PPP2R3C: variants seen among roughly 807,000 people sequenced by gnomAD.
PPP2R3C encodes the protein serine/threonine-protein phosphatase 2A regulatory subunit B'' subunit gamma.
In PPP2R3C, 47 loss-of-function variants were observed where a neutral mutation model predicts 63.7. The observed-to-expected ratio is 0.74, with a 90% CI of 0.58 to 0.94. The LOEUF (loss-of-function observed/expected upper bound fraction) is 0.94, where lower values mean the gene tolerates loss of function less well. Ranked by LOEUF, PPP2R3C falls within the 40% of genes least tolerant of loss-of-function variation. PPP2R3C has a pLI of 0.00. For missense variants in PPP2R3C, 421 were observed against 518.4 expected (o/e 0.81, Z 1.82); for synonymous variants, 180 against 177.4 (o/e 1.01, Z -0.12).
chr14:35,115,470 T>C (rs2046683013), intron 2 of PPP2R3C, among the ~76,000 whole-genome samples: 2 of 151,810 alleles, frequency 1.3e-5, no homozygotes, highest in South Asian at 4.2e-4. Flanking sequence ...CCAACATTTT[T>C]TTTTTGAGAC....
At chr14:35,099,046 C>T in intron 7 of PPP2R3C, 1 of 576,608 alleles carries the variant, frequency 1.7e-6, no homozygotes, top group Middle Eastern at 5.4e-4. Context: ...ATGGTCAGTG[C>T]AAGTAAATCA....
intron 2 of PPP2R3C, among the ~76,000 whole-genome samples, chr14:35,116,264 G>T (rs1295710091): frequency 1.3e-5 from 2 of 151,140 alleles, no homozygotes; most frequent in Non-Finnish European, 2.9e-5. Flanking sequence ...TTTTCTGGGG[G>T]TGGGGAGGAC....
chr14:35,116,541 C>A, intron 2 of PPP2R3C, 69 bp downstream of exon 2: 1 of 1,319,226 alleles, frequency 7.6e-7, no homozygotes, highest in Non-Finnish European at 1.0e-6. Flanking sequence ...AGGTATGAGC[C>A]ACCCTGCCTT....
At chr14:35,098,440 G>A (rs767190194) in intron 7 of PPP2R3C, among the ~76,000 whole-genome samples, 8 of 140,494 alleles carry the variant, frequency 5.7e-5, no homozygotes, top group African/African-American at 2.1e-4. Context: ...TCTGCCTCCC[G>A]GGTTCAAGCA....
At chr14:35,106,663 A>ATTTT (rs35661935) in intron 6 of PPP2R3C, among the ~76,000 whole-genome samples, 12 of 100,402 alleles carry the variant, frequency 1.2e-4, no homozygotes, top group East Asian at 1.2e-3. Context: ...CAGCCAATAC[A>ATTTT]TTTTTTTTTT....
intron 4 of PPP2R3C, 71 bp downstream of exon 4, chr14:35,109,748 G>T: frequency 8.0e-7 from 1 of 1,253,264 alleles, no homozygotes; most frequent in Non-Finnish European, 1.1e-6. Flanking sequence ...GAGCCACTGT[G>T]CCCAGCCAAT....
chr14:35,096,962 C>T (rs1307171682), intron 7 of PPP2R3C, among the ~76,000 whole-genome samples, 198 bp from the exon 8 acceptor site: 1 of 152,140 alleles, frequency 6.6e-6, no homozygotes, highest in African/African-American at 2.4e-5. Context: ...CCGCGTAATT[C>T]CAGCACTTTG....
intron 6 of PPP2R3C, among the ~76,000 whole-genome samples, chr14:35,105,035 CTCTTA>C (rs1250518031): frequency 6.9e-6 from 1 of 144,804 alleles, no homozygotes; most frequent in African/African-American, 2.5e-5. Context: ...TGTCTGGCTT[CTCTTA>C]TATTTTCTTA....
chr14:35,094,904 A>C, intron 10 of PPP2R3C, 144 bp downstream of exon 10: 1 of 800,230 alleles, frequency 1.2e-6, no homozygotes, highest in Non-Finnish European at 1.9e-6. Context: ...CATTGAGCGG[A>C]GATCACACCA....
At chr14:35,096,463 T>C (rs1437196023) in intron 9 of PPP2R3C, 95 bp downstream of exon 9, 10 of 1,068,234 alleles carry the variant, frequency 9.4e-6, no homozygotes, top group Non-Finnish European at 1.4e-5. Context: ...TATTTTGATC[T>C]TAAGGTATAT....
intron 2 of PPP2R3C, among the ~76,000 whole-genome samples, chr14:35,112,477 C>T (rs1421278506): frequency 1.3e-5 from 2 of 152,162 alleles, no homozygotes; most frequent in African/African-American, 2.4e-5. Context: ...GTAAACCTTA[C>T]GTCAAAACTT....
intron 11 of PPP2R3C, among the ~76,000 whole-genome samples, chr14:35,089,366 C>T (rs1482592745): frequency 6.6e-6 from 1 of 151,788 alleles, no homozygotes; most frequent in Non-Finnish European, 1.5e-5. Flanking sequence ...GGCCTCCCAA[C>T]GTGCTGGGAT....
chr14:35,107,779 C>G (rs941895919), intron 5 of PPP2R3C: 8 of 362,942 alleles, frequency 2.2e-5, no homozygotes, highest in African/African-American at 1.5e-4. Flanking sequence ...TTAATTGATG[C>G]TCCTTGAAAC....
chr14:35,109,179 C>A (rs1296563340), intron 4 of PPP2R3C, among the ~76,000 whole-genome samples: 2 of 151,878 alleles, frequency 1.3e-5, no homozygotes, highest in Non-Finnish European at 2.9e-5. Flanking sequence ...GCCTCAGCCT[C>A]CTGAGTAGCT....
chr14:35,111,266 T>C (rs925578578), intron 2 of PPP2R3C, among the ~76,000 whole-genome samples: 8 of 140,750 alleles, frequency 5.7e-5, no homozygotes, highest in African/African-American at 1.9e-4. Flanking sequence ...AAGAATGATA[T>C]AGAAGAATTA....
intron 6 of PPP2R3C, among the ~76,000 whole-genome samples, chr14:35,103,975 T>C (rs2046272141): frequency 6.6e-6 from 1 of 152,218 alleles, no homozygotes; most frequent in South Asian, 2.1e-4. Context: ...AATTATTCCT[T>C]TTTAAAAACA....
chr14:35,122,068 C>A, upstream of PPP2R3C: 1 of 1,159,166 alleles, frequency 8.6e-7, no homozygotes, highest in East Asian at 2.4e-5. Flanking sequence ...GAAGGCCGTC[C>A]AACCACCATC....
chr14:35,088,079 C>T (rs2045667746), intron 11 of PPP2R3C, 69 bp from the exon 12 acceptor site: 2 of 1,071,830 alleles, frequency 1.9e-6, no homozygotes, highest in South Asian at 1.3e-5. Flanking sequence ...TGCCCTACAA[C>T]CCCTTTCTAC....
In PPP2R3C at chr14:35,119,599, C is replaced by T. The variant is rs987054064; in HGVS notation, c.58+2303G>A. Among the ~76,000 whole-genome samples, 11 of 152,248 alleles carry T rather than the reference C, an allele frequency of 7.2e-5. No individual in the cohort carries two copies. The East Asian group carries it at 2.1e-3, about 29-fold the overall frequency. ...TCAAGCGATCTTCCCATCTCGGCCT[C>T]CCAAAGTGCTGGGGTTACATGAATG... On this transcript the variant is annotated intron_variant, in intron 1 of 12. Coordinates refer to ENST00000261475, the MANE Select transcript of PPP2R3C (RefSeq NM_017917.4).
Sources: gnomAD v4.1 joint callset for allele counts (sites outside exome capture counted in the v4.1 genomes callset) on GRCh38, gnomAD v4.1.1 for gene constraint, MANE v1.5 for transcripts, NCBI Gene and HGNC (gene_info 2026-07-23, HGNC 2026-07-21) for gene names.